Variants in NEGR1 observed in about 807,000 individuals in gnomAD.
NEGR1 encodes the protein IgLON family member 4.
A neutral mutation model predicts 40.9 loss-of-function variants in NEGR1; 10 were observed. The ratio of observed to expected loss-of-function variants is 0.24; its 90% CI spans 0.15 to 0.42. The LOEUF is 0.42. Ranked by LOEUF, NEGR1 falls within the 10% of genes least tolerant of loss-of-function variation. The pLI, the probability that NEGR1 is intolerant of heterozygous loss-of-function variation, is 1.00. For missense variants in NEGR1, 352 were observed against 438.9 expected (o/e 0.80, Z 1.77); for synonymous variants, 185 against 166.8 (o/e 1.11, Z -0.84).
chr1:72,113,467 T>A lies in NEGR1; in HGVS notation c.176+168852A>T, dbSNP rs186017353. ...AAAATATGTGTTTAGAAAAAAAATA[T>A]ATATATTTAGAAATATAAATACACT... On this transcript the variant is annotated intron_variant, in intron 1 of 6. Transcript: ENST00000357731. Among the ~76,000 whole-genome samples the A allele has an allele frequency of 4.2e-3, 630 of 151,526 alleles. 7 individuals carry two copies. The highest frequency in any genetic ancestry group is 0.015 in the African/African-American group (607 of 41,418).
Position 71,888,668 on chromosome 1 carries a change from T to C in NEGR1, c.409+46411A>G, listed in dbSNP as rs1391143140. Among the ~76,000 whole-genome samples, 5 of 118,768 alleles carry C rather than the reference T, an allele frequency of 4.2e-5. No homozygotes were observed. The East Asian group carries it at 7.7e-4, about 18-fold the overall frequency. The allele number at this position is 118,768 out of a possible 152,430, so 77.9% of individuals were successfully genotyped here. ...GGCGCCCGCCATTGCCCAGGCTTGC[T>C]TAGGTAAACAAAGCAGCCGGGAAGC... On this transcript the variant is annotated intron_variant, in intron 2 of 6. Coordinates refer to ENST00000357731, the MANE Select transcript of NEGR1 (RefSeq NM_173808.3).
intron 1 of NEGR1, among the ~76,000 whole-genome samples, chr1:72,003,176 T>C (rs1022474934): frequency 3.9e-5 from 6 of 152,022 alleles, no homozygotes; most frequent in African/African-American, 1.4e-4. Flanking sequence ...TCCCAGTGCT[T>C]GAGGTTTCCT....
intron 4 of NEGR1, among the ~76,000 whole-genome samples, chr1:71,694,575 C>T (rs575488069): frequency 6.6e-6 from 1 of 151,788 alleles, no homozygotes; most frequent in South Asian, 2.1e-4. Flanking sequence ...ATTACCTCAA[C>T]AAAGTGCTAG....
intron 1 of NEGR1, among the ~76,000 whole-genome samples, chr1:72,242,993 C>A (rs1452029034): frequency 1.3e-5 from 2 of 151,510 alleles, no homozygotes; most frequent in African/African-American, 2.4e-5. Flanking sequence ...GTCTTTATAA[C>A]AGATACATTC....
chr1:71,399,946 T>TC lies in NEGR1; in HGVS notation c.*7499dup, dbSNP rs775822382. ...CAACGAATATTTTGTAAGTTTTTTT[T>TC]CTAAGATATGGTCCCCAAATTTTCT... On this transcript the variant is annotated 3_prime_UTR_variant, in exon 7 of 7. Transcript: ENST00000357731. 1.6e-4 allele frequency: 24 copies of TC among 152,218 alleles called. 1 individual carries two copies. Among genetic ancestry groups the TC allele is most frequent in the Non-Finnish European group, 2.9e-4 (20 of 68,038 alleles). The allele number at this position is 152,218 out of a possible 1,614,324, so 9.4% of individuals were successfully genotyped here.
At chr1:71,503,446 G>A (rs1647011735) in intron 6 of NEGR1, among the ~76,000 whole-genome samples, 1 of 152,164 alleles carries the variant, frequency 6.6e-6, no homozygotes, top group South Asian at 2.1e-4. Flanking sequence ...GGGACAGGAA[G>A]ATCAAGGGGC....
At chr1:71,848,973 C>T (rs1476043645) in intron 2 of NEGR1, among the ~76,000 whole-genome samples, 2 of 151,974 alleles carry the variant, frequency 1.3e-5, no homozygotes, top group Non-Finnish European at 2.9e-5. Flanking sequence ...GCCTATAATC[C>T]CAGCTACGCA....
At chr1:71,977,876 A>G (rs1263093397) in intron 1 of NEGR1, among the ~76,000 whole-genome samples, 1 of 151,994 alleles carries the variant, frequency 6.6e-6, no homozygotes, top group Non-Finnish European at 1.5e-5. Context: ...GGTACAATTC[A>G]ATACCTAATT....
intron 1 of NEGR1, among the ~76,000 whole-genome samples, chr1:72,267,083 C>A (rs1655670947): frequency 6.6e-6 from 1 of 150,924 alleles, no homozygotes; most frequent in Admixed American, 6.6e-5. Flanking sequence ...TTATTTTGTA[C>A]CAGGCATGAT....
At chr1:71,988,039 T>C (rs935105193) in intron 1 of NEGR1, among the ~76,000 whole-genome samples, 5 of 152,330 alleles carry the variant, frequency 3.3e-5, no homozygotes, top group East Asian at 1.9e-4. Flanking sequence ...TCACAGGCCA[T>C]AGATGAAGAG....
intron 1 of NEGR1, among the ~76,000 whole-genome samples, chr1:72,149,233 T>C (rs1651024823): frequency 6.6e-6 from 1 of 152,096 alleles, no homozygotes; most frequent in Non-Finnish European, 1.5e-5. Context: ...CCATCAGATA[T>C]CGTGAGACTT....
At chr1:71,487,766 A>T (rs1646898034) in intron 6 of NEGR1, among the ~76,000 whole-genome samples, 1 of 151,682 alleles carries the variant, frequency 6.6e-6, no homozygotes, top group South Asian at 2.1e-4. Context: ...AAAAGGAGTA[A>T]ATCTTTTCTT....
rs746617986 is a variant in NEGR1 at position 71,549,367 on chromosome 1, G to A, written c.940+43450C>T. On this transcript the variant is annotated intron_variant, in intron 6 of 6. Transcript: ENST00000357731. ...AAAAGTTATCTTTGTTCAACTTGGC[G>A]GGGAAAGAGAGTGTTATGCACTGGT... Among the ~76,000 whole-genome samples, 65 of 151,596 alleles carry A rather than the reference G, an allele frequency of 4.3e-4. 2 individuals are homozygous for A. Among genetic ancestry groups the A allele is most frequent in the East Asian group, 2.0e-4 (1 of 5,108 alleles).
chr1:71,658,785 CCTT>C (rs1310112293), intron 4 of NEGR1, among the ~76,000 whole-genome samples: 12 of 152,032 alleles, frequency 7.9e-5, no homozygotes, highest in Non-Finnish European at 1.5e-4. Context: ...AGACTGCAGT[CCTT>C]CTTAGAATTT....
At chr1:72,068,761 A>AT (rs577372522) in intron 1 of NEGR1, among the ~76,000 whole-genome samples, 31 of 152,142 alleles carry the variant, frequency 2.0e-4, no homozygotes, top group Non-Finnish European at 3.5e-4. Flanking sequence ...ACTATTGGTG[A>AT]TTTTGTCTTA....
chr1:71,928,537 C>T (rs1006542105), intron 2 of NEGR1, among the ~76,000 whole-genome samples: 5 of 131,398 alleles, frequency 3.8e-5, no homozygotes, highest in Non-Finnish European at 4.8e-5. Context: ...CATCTATACA[C>T]ATATATATAC....
intron 6 of NEGR1, chr1:71,468,642 T>G (rs1310475062): frequency 6.6e-6 from 1 of 152,048 alleles, no homozygotes; most frequent in Non-Finnish European, 1.5e-5. Flanking sequence ...ATTTATATTT[T>G]TTATGAAACT....
Position 71,938,508 on chromosome 1 carries a change from C to A in NEGR1, c.177-3197G>T, listed in dbSNP as rs189539986. On this transcript the variant is annotated intron_variant, in intron 1 of 6. Coordinates refer to ENST00000357731, the MANE Select transcript of NEGR1 (RefSeq NM_173808.3). The stretch of plus-strand genomic sequence containing the variant: ...CTCCTTTTCATTCTCCATCTACATT[C>A]TATTTTTTCCTTTGCAATACAAAGA... 2.7e-3 allele frequency among the ~76,000 whole-genome samples: 390 copies of A among 144,038 alleles called. 2 individuals carry two copies. The highest frequency in any genetic ancestry group is 4.6e-3 in the Non-Finnish European group (309 of 66,494). 94.5% of individuals were successfully genotyped at this position (144,038 alleles called of 152,430 possible).
intron 1 of NEGR1, among the ~76,000 whole-genome samples, chr1:72,138,858 TC>T (rs1650567639): frequency 6.6e-6 from 1 of 151,974 alleles, no homozygotes; most frequent in African/African-American, 2.4e-5. Context: ...TTATATAATT[TC>T]ACATTTATAG....
Sources: allele counts gnomAD v4.1 joint callset (sites outside exome capture counted in the v4.1 genomes callset), GRCh38; gene constraint gnomAD v4.1.1; transcripts MANE v1.5; gene names NCBI Gene and HGNC (gene_info 2026-07-23, HGNC 2026-07-21).